FAM161A: variants seen among roughly 807,000 people sequenced by gnomAD.
FAM161A encodes the protein protein FAM161A.
FAM161A carries 57 observed loss-of-function variants against 70.9 expected under a neutral mutation model. The ratio of observed to expected loss-of-function variants is 0.80; its 90% CI spans 0.65 to 1.00. FAM161A has a LOEUF of 1.00. Ranked by LOEUF, FAM161A falls within the 50% of genes least tolerant of loss-of-function variation. The pLI is 0.00. For missense variants in FAM161A, 880 were observed against 836.0 expected (o/e 1.05, Z -0.65); for synonymous variants, 299 against 295.7 (o/e 1.01, Z -0.12).
At chr2:61,835,667 A>G (rs1376609021) in intron 5 of FAM161A, 4 of 194,930 alleles carry the variant, frequency 2.1e-5, no homozygotes, top group Non-Finnish European at 4.2e-5. Context: ...TTATTTATCA[A>G]ACTTATGTGC....
At chr2:61,808,398 A>G in the FAM161A span, among the ~76,000 whole-genome samples, 23 of 151,760 alleles carry the variant, frequency 1.5e-4, no homozygotes, top group Admixed American at 1.3e-3. Context: ...TCTGCCTCCC[A>G]AGTAGCTGGG....
chr2:61,839,534 A>G lies in FAM161A; in HGVS notation c.1470T>C (p.Tyr490=). 6.2e-7 allele frequency: 1 copy of G among 1,614,200 alleles called. No individual in the cohort carries two copies. Among genetic ancestry groups the G allele is most frequent in the African/African-American group, 1.3e-5 (1 of 75,044 alleles). Residue 490 remains tyrosine (Y), a synonymous_variant, in exon 3 of 7, where the codon TAT becomes TAC. Transcript: ENST00000404929. ...CTGGTGACTTACGCCTTGGAGACAA[A>G]TAAGGCCAACGTGTTTCTTTTAAAT... ...EENLKETRWP[Y]LSPRRKSPVR... is the part of the protein sequence containing the mutation.
In FAM161A at chr2:61,834,369, G is replaced by T. The variant is rs1439844554; in HGVS notation, c.1851+1641C>A. 2.6e-5 allele frequency among the ~76,000 whole-genome samples: 4 copies of T among 152,140 alleles called. 1 individual carries two copies. The South Asian group carries it at 8.3e-4, about 32-fold the overall frequency. On this transcript the variant is annotated intron_variant, in intron 5 of 6. Transcript: ENST00000404929. ...AATATAAGAGGGAGAGTGGAGGGAG[G>T]AGGGCAAGGGTTGAAAACCTACCTA...
chr2:61,851,525 G>A (rs1035306570), intron 1 of FAM161A, among the ~76,000 whole-genome samples: 6 of 152,064 alleles, frequency 3.9e-5, no homozygotes, highest in South Asian at 2.1e-4. Context: ...AGTAGAGACC[G>A]GGTTTTGCCA....
chr2:61,834,590 G>A (rs963500797), intron 5 of FAM161A, among the ~76,000 whole-genome samples: 1 of 151,766 alleles, frequency 6.6e-6, no homozygotes, highest in Admixed American at 6.6e-5. Flanking sequence ...AGCCTCCCAA[G>A]TAGTTGGGAC....
At chr2:61,808,014 C>T in the FAM161A span, among the ~76,000 whole-genome samples, 1 of 152,112 alleles carries the variant, frequency 6.6e-6, no homozygotes, top group Non-Finnish European at 1.5e-5. Flanking sequence ...GAACAGTGTC[C>T]TGGTCTGGGG....
At chr2:61,832,808 T>C (rs6738697) in intron 5 of FAM161A, among the ~76,000 whole-genome samples, 149,016 of 152,256 alleles carry the variant, frequency 0.98, 72,932 homozygotes, top group East Asian at 1. Context: ...ATGATCCATT[T>C]CCCGATCCAT....
intron 5 of FAM161A, 98 bp downstream of exon 5, chr2:61,835,912 T>TA: frequency 1.2e-6 from 1 of 822,278 alleles, no homozygotes. Context: ...TCAACAGTTA[T>TA]ATAACACATA....
intron 1 of FAM161A, among the ~76,000 whole-genome samples, chr2:61,846,033 AAGCTGAGATCG>A (rs1673197765): frequency 6.8e-6 from 1 of 147,000 alleles, no homozygotes; most frequent in South Asian, 2.2e-4. Flanking sequence ...AGATTGCAGT[AAGCTGAGATCG>A]AGCCATTGCA....
chr2:61,851,062 T>G (rs914165834), intron 1 of FAM161A, among the ~76,000 whole-genome samples: 1 of 151,498 alleles, frequency 6.6e-6, no homozygotes, highest in Non-Finnish European at 1.5e-5. Flanking sequence ...TTAGTAGAGA[T>G]GGGGTTTCTC....
the FAM161A span, among the ~76,000 whole-genome samples, chr2:61,805,729 G>A: frequency 6.6e-6 from 1 of 152,092 alleles, no homozygotes; most frequent in African/African-American, 2.4e-5. Flanking sequence ...CTGCCCTCAT[G>A]GAGCTGCAAC....
chr2:61,841,489 G>C (rs914703829), intron 2 of FAM161A, among the ~76,000 whole-genome samples: 4 of 152,168 alleles, frequency 2.6e-5, no homozygotes, highest in African/African-American at 9.7e-5. Flanking sequence ...CCCTCTGAAA[G>C]CTTGGCATGA....
downstream of FAM161A, among the ~76,000 whole-genome samples, chr2:61,823,550 G>C (rs900459023): frequency 2.0e-5 from 3 of 151,546 alleles, no homozygotes; most frequent in African/African-American, 7.3e-5. Context: ...ATTTTTTGTA[G>C]AGACAGGGTT....
At chr2:61,848,878 ATATATATT>A (rs1673340460) in intron 1 of FAM161A, among the ~76,000 whole-genome samples, 1 of 1,268 alleles carries the variant, frequency 7.9e-4, no homozygotes, top group Admixed American at 9.1e-3. Context: ...ATATATTTAT[ATATATATT>A]TATATATATT....
intron 4 of FAM161A, among the ~76,000 whole-genome samples, chr2:61,837,516 C>T (rs981146102): frequency 7.2e-5 from 11 of 152,108 alleles, no homozygotes; most frequent in Non-Finnish European, 1.6e-4. Context: ...CGCCTGTAAT[C>T]CCAGCACTTT....
At position 61,839,447 on chromosome 2, in the gene FAM161A, A is replaced by G; in HGVS notation, c.1557T>C (p.Ser519=). The part of the protein sequence containing the change: ...CNCNPPVPTV[S]SRGREQAVRR... ...TTACGGCTTGTTCTCGTCCTCTGGA[A>G]GATACCGTGGGCACGGGAGGGTTGC... is the stretch of plus-strand genomic sequence containing the variant. Residue 519 remains serine, a synonymous_variant, in exon 3 of 7, where the codon TCT becomes TCC. Transcript: ENST00000404929. The G allele has an allele frequency of 6.2e-7, 1 of 1,614,210 alleles. No individual in the cohort carries two copies. The highest frequency in any genetic ancestry group is 1.6e-4 in the Middle Eastern group (1 of 6,062).
At chr2:61,853,417 T>C (rs1013537596) in intron 1 of FAM161A, among the ~76,000 whole-genome samples, 2 of 152,162 alleles carry the variant, frequency 1.3e-5, no homozygotes, top group Non-Finnish European at 2.9e-5. Flanking sequence ...CACGTGATGG[T>C]TTTAAACACA....
chr2:61,843,046 G>GA (rs1159319294), intron 1 of FAM161A, among the ~76,000 whole-genome samples: 7 of 152,150 alleles, frequency 4.6e-5, no homozygotes, highest in Non-Finnish European at 8.8e-5. Context: ...AAGCAAAGAA[G>GA]AAAAAATGCT....
the FAM161A span, among the ~76,000 whole-genome samples, chr2:61,807,767 A>C: frequency 6.6e-6 from 1 of 151,286 alleles, no homozygotes; most frequent in Admixed American, 6.6e-5. Context: ...CAGCCTCCTG[A>C]GTAGCTGGGA....
Sources: allele counts gnomAD v4.1 joint callset (sites outside exome capture counted in the v4.1 genomes callset), GRCh38; gene constraint gnomAD v4.1.1; transcripts MANE v1.5; gene names NCBI Gene and HGNC (gene_info 2026-07-23, HGNC 2026-07-21).